Variants in MYLK4 observed in about 807,000 individuals in gnomAD.
MYLK4 encodes the protein caMLCK like.
Under a neutral mutation model 48.1 loss-of-function variants are expected in MYLK4, and 46 were observed. The ratio of observed to expected loss-of-function variants is 0.96; its 90% CI spans 0.75 to 1.22. The LOEUF is 1.22. MYLK4 is among the 50% of genes most tolerant of loss of function. The pLI, the probability that MYLK4 is intolerant of heterozygous loss-of-function variation, is 0.00. For synonymous variants in MYLK4, 170 were observed against 180.8 expected, an observed-to-expected ratio of 0.94 and a Z score of 0.48; for missense variants, 451 against 486.1, an observed-to-expected ratio of 0.93 and a Z score of 0.68.
In MYLK4 at chr6:2,678,327, C is replaced by A. The variant is rs202082637; in HGVS notation, c.933G>T (p.Thr311=). ...ACCTGCAGGCCAGGATGTTGTTCAG[C>A]GTCTCAGCATCATTGTCACCCAGGA... ...SPFLGDNDAE[T]LNNILACRWD... The change falls in exon 10 of 13, where the codon ACG becomes ACT. Residue 311 remains threonine, a synonymous_variant. Coordinates refer to ENST00000274643, the MANE Select transcript of MYLK4 (RefSeq NM_001012418.5). 1.9e-6 allele frequency: 3 copies of A among 1,614,020 alleles called. No individual in the cohort carries two copies. The highest frequency in any genetic ancestry group is 3.3e-4 in the Middle Eastern group (2 of 6,030).
chr6:2,760,217 A>G, the MYLK4 span, among the ~76,000 whole-genome samples: 2 of 152,246 alleles, frequency 1.3e-5, no homozygotes, highest in African/African-American at 2.4e-5. Context: ...ATTAGGTATC[A>G]TAAGTAATCT....
chr6:2,675,934 T>C (rs1161374113), intron 10 of MYLK4, among the ~76,000 whole-genome samples: 3 of 151,478 alleles, frequency 2.0e-5, no homozygotes, highest in Non-Finnish European at 4.4e-5. Flanking sequence ...CTACTAAAAA[T>C]ACAAAAAATT....
chr6:2,703,666 T>TTTG (rs1491207926), intron 2 of MYLK4, among the ~76,000 whole-genome samples: 1 of 5,490 alleles, frequency 1.8e-4, no homozygotes, highest in Non-Finnish European at 6.1e-4. Context: ...TTGTGAATTC[T>TTTG]TTTTTTTTTT....
At chr6:2,766,319 C>T in the MYLK4 span, 5 of 1,610,482 alleles carry the variant, frequency 3.1e-6, no homozygotes, top group African/African-American at 1.3e-5. Context: ...CACGATGCGT[C>T]CTGACACGCT....
chr6:2,728,038 T>A (rs1183652641), intron 2 of MYLK4, among the ~76,000 whole-genome samples: 1 of 152,052 alleles, frequency 6.6e-6, no homozygotes, highest in Non-Finnish European at 1.5e-5. Flanking sequence ...CAACCTTGTA[T>A]GGGCTCCATT....
chr6:2,736,939 A>C (rs942078051), intron 2 of MYLK4, among the ~76,000 whole-genome samples: 2 of 152,256 alleles, frequency 1.3e-5, no homozygotes, highest in Non-Finnish European at 2.9e-5. Flanking sequence ...GTAGCCATCC[A>C]TCACCTGGCT....
intron 2 of MYLK4, chr6:2,743,822 T>G: frequency 2.5e-6 from 1 of 397,446 alleles, no homozygotes; most frequent in Non-Finnish European, 4.4e-6. Flanking sequence ...TCCATTTACT[T>G]TGGCAAGCGT....
chr6:2,692,158 T>C (rs1041342056), intron 3 of MYLK4, among the ~76,000 whole-genome samples: 7 of 152,212 alleles, frequency 4.6e-5, no homozygotes, highest in African/African-American at 1.7e-4. Context: ...GTGTTCATTT[T>C]TATCTGCAGT....
At chr6:2,713,587 T>C (rs539442905) in intron 2 of MYLK4, among the ~76,000 whole-genome samples, 4 of 152,254 alleles carry the variant, frequency 2.6e-5, no homozygotes, top group African/African-American at 9.6e-5. Flanking sequence ...ATGGCCCTGA[T>C]ACTTGGAACA....
intron 2 of MYLK4, among the ~76,000 whole-genome samples, chr6:2,708,148 T>C (rs745487636): frequency 6.6e-6 from 1 of 152,218 alleles, no homozygotes; most frequent in East Asian, 1.9e-4. Context: ...GTCAGTTTCA[T>C]TACTAAGTTC....
intron 2 of MYLK4, among the ~76,000 whole-genome samples, chr6:2,704,177 G>A (rs1017010133): frequency 4.4e-4 from 67 of 152,188 alleles, no homozygotes; most frequent in African/African-American, 1.5e-3. Flanking sequence ...AGGTCGGGTT[G>A]GGGGAACTGA....
At chr6:2,670,104 G>A (rs1223152645) in intron 12 of MYLK4, among the ~76,000 whole-genome samples, 3 of 152,174 alleles carry the variant, frequency 2.0e-5, no homozygotes, top group East Asian at 1.9e-4. Flanking sequence ...GGTGGCTCAC[G>A]CCTGTAATCC....
At chr6:2,746,008 T>A (rs1292212689) in intron 2 of MYLK4, among the ~76,000 whole-genome samples, 2 of 151,410 alleles carry the variant, frequency 1.3e-5, no homozygotes, top group African/African-American at 4.9e-5. Context: ...ATCTCAGCAC[T>A]TTGGGAGGCC....
intron 2 of MYLK4, among the ~76,000 whole-genome samples, chr6:2,747,203 A>G (rs1258418819): frequency 6.6e-6 from 1 of 152,184 alleles, no homozygotes; most frequent in African/African-American, 2.4e-5. Flanking sequence ...GATGGTTTCT[A>G]GGGGTTAAAT....
At chr6:2,717,472 G>C (rs1026728109) in intron 2 of MYLK4, among the ~76,000 whole-genome samples, 1 of 152,184 alleles carries the variant, frequency 6.6e-6, no homozygotes, top group African/African-American at 2.4e-5. Context: ...ATGGCTGTTG[G>C]GCGTTGGGAG....
the MYLK4 span, among the ~76,000 whole-genome samples, chr6:2,769,519 T>G: frequency 1.3e-5 from 2 of 152,208 alleles, no homozygotes; most frequent in Non-Finnish European, 2.9e-5. Flanking sequence ...TTTTTGTAAC[T>G]TTTTAATCAT....
rs1359679686 is a variant in MYLK4, at chr6:2,685,307, C to T, written c.534G>A (p.Leu178=). Residue 178 remains leucine, a synonymous_variant, in exon 6 of 13, where the codon CTG becomes CTA. Transcript: ENST00000274643. The surrounding 1 kb of genome is among the most constrained non-coding windows in gnomAD (Gnocchi z 4.5). ...DAFESKNDIV[L]VMEYVDGGEL... ...GAGGGGATACGTACTACTCCATGAC[C>T]AGGACAATGTCGTTCTTAGACTCGA... The T allele has an allele frequency of 1.9e-6, 3 of 1,611,984 alleles. No individual in the cohort carries two copies. The highest frequency in any genetic ancestry group is 2.5e-6 in the Non-Finnish European group (3 of 1,178,818).
chr6:2,723,690 C>T (rs943700543), intron 2 of MYLK4, among the ~76,000 whole-genome samples: 3 of 152,106 alleles, frequency 2.0e-5, no homozygotes, highest in South Asian at 2.1e-4. Flanking sequence ...TAGAAGTGGT[C>T]GGGCTGTGGG....
intron 2 of MYLK4, among the ~76,000 whole-genome samples, chr6:2,717,228 C>G (rs929233676): frequency 2.4e-4 from 37 of 152,384 alleles, no homozygotes; most frequent in Non-Finnish European, 7.3e-5. Context: ...TGTGTAAAGT[C>G]TGACCCTTCC....
Sources: gnomAD v4.1 joint callset for allele counts (sites outside exome capture counted in the v4.1 genomes callset) on GRCh38, gnomAD v4.1.1 for gene constraint, Gnocchi (gnomAD v3.1) non-coding constraint, MANE v1.5 for transcripts, NCBI Gene and HGNC (gene_info 2026-07-23, HGNC 2026-07-21) for gene names.